PCDH15: variants seen among roughly 807,000 people sequenced by gnomAD.
The protein encoded by PCDH15 is protocadherin related 15, also known as protocadherin-15.
A neutral mutation model predicts 178.5 loss-of-function variants in PCDH15; 129 were observed. The ratio of observed to expected loss-of-function variants is 0.72; its 90% CI spans 0.63 to 0.84. The LOEUF (loss-of-function observed/expected upper bound fraction) is 0.84, where lower values mean the gene tolerates loss of function less well. Among genes scored for constraint, PCDH15 ranks in the 40% least tolerant of loss-of-function variants. PCDH15 has a pLI of 0.00. For missense variants in PCDH15, 2,230 were observed against 2,099.9 expected (o/e 1.06, Z -1.21); for synonymous variants, 800 against 732.0 (o/e 1.09, Z -1.50).
At chr10:54,174,333 C>T (rs1208476202) in intron 13 of PCDH15, among the ~76,000 whole-genome samples, 1 of 151,680 alleles carries the variant, frequency 6.6e-6, no homozygotes, top group African/African-American at 2.4e-5. Context: ...GAGAACCAGA[C>T]CATCCTGGCT....
At position 55,334,824 on chromosome 10, in the gene PCDH15, AATT is replaced by A. The variant is rs1306847428; in HGVS notation, c.-155-168176_-155-168174del. On this transcript the variant is annotated intron_variant, in intron 2 of 5. Transcript: ENST00000613346. ...TAAAACATGGCTCTATGGAGAAAATAATTACCTCCTTGGTGCTAAAAATGTAAA... is the reference window on the plus strand; with the variant it reads ...TAAAACATGGCTCTATGGAGAAAATAACCTCCTTGGTGCTAAAAATGTAAA... 1.3e-4 allele frequency among the ~76,000 whole-genome samples: 20 copies of A among 152,284 alleles called. No individual in the cohort carries two copies. The East Asian group carries it at 3.9e-3, about 29-fold the overall frequency.
At chr10:54,138,412 G>T (rs1306345859) in intron 14 of PCDH15, among the ~76,000 whole-genome samples, 1 of 152,142 alleles carries the variant, frequency 6.6e-6, no homozygotes, top group Non-Finnish European at 1.5e-5. Flanking sequence ...TGCTCTTAGG[G>T]CTCGTTTATT....
chr10:53,892,869 CAGAAT>C (rs1446907433), intron 26 of PCDH15, among the ~76,000 whole-genome samples: 8 of 152,138 alleles, frequency 5.3e-5, no homozygotes, highest in Admixed American at 5.2e-4. Context: ...AGTGTAGAAA[CAGAAT>C]AGATTTTTTT....
chr10:55,376,860 C>A (rs1334480989), intron 2 of PCDH15, among the ~76,000 whole-genome samples: 1 of 151,818 alleles, frequency 6.6e-6, no homozygotes, highest in Non-Finnish European at 1.5e-5. Flanking sequence ...CTAAGCAGGT[C>A]AAAATGTAGT....
chr10:53,851,209 T>C lies in PCDH15; in HGVS notation c.3806+5966A>G, dbSNP rs138845248. On this transcript the variant is annotated intron_variant, in intron 28 of 37. Transcript: ENST00000644397. ...TCAGAAAGGCTTTCTTTAACCATCC[T>C]ATTTAAAACAGCACCTCTCTTCCAA... Among the ~76,000 whole-genome samples, 703 of 152,210 alleles carry C rather than the reference T, an allele frequency of 4.6e-3. 10 individuals carry two copies. The highest frequency in any genetic ancestry group is 0.016 in the African/African-American group (648 of 41,568).
At chr10:54,494,594 C>T (rs1334381805) in intron 3 of PCDH15, among the ~76,000 whole-genome samples, 1 of 152,226 alleles carries the variant, frequency 6.6e-6, no homozygotes, top group Non-Finnish European at 1.5e-5. Context: ...TATGATGCAG[C>T]CAATCATGCC....
intron 2 of PCDH15, among the ~76,000 whole-genome samples, chr10:55,468,664 T>C (rs1565171080): frequency 6.6e-6 from 1 of 152,236 alleles, no homozygotes; most frequent in Non-Finnish European, 1.5e-5. Context: ...AGATTTTGTC[T>C]AAGGTTTAGT....
intron 1 of PCDH15, among the ~76,000 whole-genome samples, chr10:54,719,861 T>TC (rs200753617): frequency 0.12 from 18,501 of 152,044 alleles, 1,248 homozygotes; most frequent in African/African-American, 0.17. Context: ...ATGATCTCAT[T>TC]CTTTTTATGG....
At chr10:55,555,587 TG>T (rs1842074702) in intron 2 of PCDH15, among the ~76,000 whole-genome samples, 1 of 152,092 alleles carries the variant, frequency 6.6e-6, no homozygotes, top group African/African-American at 2.4e-5. Flanking sequence ...AACAAGTAAG[TG>T]AAGACCACTT....
intron 3 of PCDH15, among the ~76,000 whole-genome samples, chr10:54,413,668 A>G (rs1953894709): frequency 6.6e-6 from 1 of 152,318 alleles, no homozygotes; most frequent in East Asian, 1.9e-4. Flanking sequence ...GCTGACCAAT[A>G]AATATTAAAA....
At chr10:54,519,806 C>T (rs1450334733) in intron 3 of PCDH15, among the ~76,000 whole-genome samples, 3 of 152,254 alleles carry the variant, frequency 2.0e-5, no homozygotes, top group East Asian at 3.9e-4. Flanking sequence ...TACCTGACTT[C>T]AAACTATGCT....
chr10:55,289,918 A>AACCCAGTAGTAAAAAAGT (rs1354048731), intron 1 of PCDH15, among the ~76,000 whole-genome samples: 1 of 151,840 alleles, frequency 6.6e-6, no homozygotes, highest in African/African-American at 2.4e-5. Context: ...GTTGTAGTAA[A>AACCCAGTAGTAAAAAAGT]AGCAAGCTGG....
At chr10:54,092,039 G>T (rs17644458) in intron 15 of PCDH15, among the ~76,000 whole-genome samples, 48,331 of 151,934 alleles carry the variant, frequency 0.32, 8,277 homozygotes, top group Middle Eastern at 0.48. Context: ...CCCAAATCTA[G>T]ATCTCCTTTC....
At chr10:53,839,121 G>C (rs541866186) in intron 29 of PCDH15, among the ~76,000 whole-genome samples, 1 of 148,260 alleles carries the variant, frequency 6.7e-6, no homozygotes, top group South Asian at 2.1e-4. Flanking sequence ...GGAGAATGGC[G>C]TGAACCCGGG....
chr10:55,400,416 G>A (rs1363876255), intron 2 of PCDH15, among the ~76,000 whole-genome samples: 2 of 152,084 alleles, frequency 1.3e-5, no homozygotes, highest in African/African-American at 4.8e-5. Flanking sequence ...ATCACACCAC[G>A]TAACCTAGCA....
At chr10:55,117,874 TAG>T (rs1418992146) in intron 2 of PCDH15, among the ~76,000 whole-genome samples, 1 of 152,128 alleles carries the variant, frequency 6.6e-6, no homozygotes, top group Non-Finnish European at 1.5e-5. Context: ...CAGCTTAAAT[TAG>T]ATCTAAGCGG....
chr10:54,187,260 C>A (rs956328885), intron 11 of PCDH15, among the ~76,000 whole-genome samples: 14 of 151,850 alleles, frequency 9.2e-5, no homozygotes, highest in Admixed American at 9.2e-4. Flanking sequence ...AATTTATTTT[C>A]TTCCTTTCAA....
chr10:53,899,149 G>GGA (rs1554850736), intron 26 of PCDH15, among the ~76,000 whole-genome samples: 1 of 149,370 alleles, frequency 6.7e-6, no homozygotes, highest in African/African-American at 2.5e-5. Flanking sequence ...TTTCGGGGGG[G>GGA]GGTGGTCTAG....
At chr10:55,203,807 T>A (rs1416759424) in intron 1 of PCDH15, among the ~76,000 whole-genome samples, 1 of 152,132 alleles carries the variant, frequency 6.6e-6, no homozygotes, top group Non-Finnish European at 1.5e-5. Flanking sequence ...TTGTACCAAA[T>A]TTTTAAAAAG....
Sources: gnomAD v4.1 joint callset for allele counts (sites outside exome capture counted in the v4.1 genomes callset) on GRCh38, gnomAD v4.1.1 for gene constraint, MANE v1.5 for transcripts, NCBI Gene and HGNC (gene_info 2026-07-23, HGNC 2026-07-21) for gene names.